GBE1: variants seen among roughly 807,000 people sequenced by gnomAD.
GBE1 encodes the protein 1,4-alpha-glucan branching enzyme 1.
GBE1 carries 70 observed loss-of-function variants against 88.8 expected under a neutral mutation model. The ratio of observed to expected loss-of-function variants is 0.79; its 90% CI spans 0.65 to 0.96. The LOEUF (loss-of-function observed/expected upper bound fraction) is 0.96. Ranked by LOEUF, GBE1 falls within the 40% of genes least tolerant of loss-of-function variation. The probability of loss-of-function intolerance (pLI) is 0.00; values close to 1 mark genes in which losing one functional copy is unlikely to be tolerated. For synonymous variants in GBE1, 284 were observed against 300.1 expected (o/e 0.95, Z 0.56); for missense variants, 872 against 871.0 (o/e 1.00, Z -0.01).
intron 7 of GBE1, among the ~76,000 whole-genome samples, chr3:81,607,409 C>G (rs1041990454): frequency 2.0e-5 from 3 of 151,820 alleles, no homozygotes; most frequent in African/African-American, 7.3e-5. Flanking sequence ...ATTAGCTGGG[C>G]TTGGTGGCGC....
intron 1 of GBE1, among the ~76,000 whole-genome samples, chr3:81,720,254 TTATATC>T (rs1456233127): frequency 3.3e-5 from 5 of 151,952 alleles, no homozygotes; most frequent in East Asian, 1.9e-4. Flanking sequence ...AATTCAAGCC[TTATATC>T]TATATCTATC....
At chr3:81,605,730 C>T (rs1266004629) in intron 7 of GBE1, among the ~76,000 whole-genome samples, 2 of 152,054 alleles carry the variant, frequency 1.3e-5, no homozygotes, top group African/African-American at 2.4e-5. Context: ...TTTTAGATTT[C>T]GTGGCCATGT....
intron 7 of GBE1, among the ~76,000 whole-genome samples, chr3:81,601,893 G>A (rs1576165674): frequency 1.3e-5 from 2 of 152,022 alleles, no homozygotes; most frequent in East Asian, 3.8e-4. Flanking sequence ...CTTTGTACCA[G>A]GCACAATGCC....
chr3:81,597,905 C>T (rs1703981230), intron 7 of GBE1, among the ~76,000 whole-genome samples: 1 of 151,840 alleles, frequency 6.6e-6, no homozygotes, highest in Non-Finnish European at 1.5e-5. Context: ...GAAATTTTGT[C>T]ACACACAGAT....
intron 3 of GBE1, among the ~76,000 whole-genome samples, chr3:81,652,909 G>A (rs1182042802): frequency 6.6e-6 from 1 of 152,138 alleles, no homozygotes; most frequent in Non-Finnish European, 1.5e-5. Flanking sequence ...ATGCTCCAAT[G>A]AGTTCAAATT....
intron 3 of GBE1, among the ~76,000 whole-genome samples, chr3:81,653,324 AAAATTAAGCTAAATT>A (rs1704877962): frequency 6.6e-6 from 1 of 152,110 alleles, no homozygotes; most frequent in Admixed American, 6.6e-5. Context: ...AAAATAAAAT[AAAATTAAGCTAAATT>A]AAACGGCATG....
chr3:81,556,390 AAC>A (rs1311616137), intron 12 of GBE1, among the ~76,000 whole-genome samples: 1 of 152,120 alleles, frequency 6.6e-6, no homozygotes, highest in Non-Finnish European at 1.5e-5. Context: ...ATTATGGCAC[AAC>A]AGTTATTGGA....
intron 3 of GBE1, among the ~76,000 whole-genome samples, chr3:81,664,735 A>G (rs1705087126): frequency 6.6e-6 from 1 of 152,204 alleles, no homozygotes; most frequent in African/African-American, 2.4e-5. Context: ...CACCCACTGT[A>G]ATTACCAGTG....
chr3:81,700,482 T>C (rs1289015190), intron 2 of GBE1, among the ~76,000 whole-genome samples: 1 of 152,172 alleles, frequency 6.6e-6, no homozygotes, highest in Admixed American at 6.6e-5. Context: ...TGTATTGTAA[T>C]TATTAGATTC....
chr3:81,747,620 C>G (rs1161184726), intron 1 of GBE1, among the ~76,000 whole-genome samples: 1 of 152,202 alleles, frequency 6.6e-6, no homozygotes, highest in African/African-American at 2.4e-5. Flanking sequence ...GCCCAGATGG[C>G]CTGAAGTAAC....
intron 7 of GBE1, among the ~76,000 whole-genome samples, chr3:81,604,894 A>G (rs1260400476): frequency 1.3e-5 from 2 of 152,152 alleles, no homozygotes; most frequent in African/African-American, 2.4e-5. Context: ...GTTTAACACC[A>G]TAAGAAGTAA....
At chr3:81,746,673 T>C (rs368978040) in intron 1 of GBE1, among the ~76,000 whole-genome samples, 1 of 152,182 alleles carries the variant, frequency 6.6e-6, no homozygotes, top group East Asian at 1.9e-4. Context: ...TACAGATTCA[T>C]ATGAAGAAAT....
At chr3:81,577,225 A>G (rs909820808) in intron 12 of GBE1, among the ~76,000 whole-genome samples, 26 of 152,168 alleles carry the variant, frequency 1.7e-4, no homozygotes, top group Admixed American at 1.7e-3. Context: ...TAAAGGTGTG[A>G]GGCACCACCC....
chr3:81,620,090 G>A (rs1704304079), intron 7 of GBE1, among the ~76,000 whole-genome samples: 1 of 151,300 alleles, frequency 6.6e-6, no homozygotes, highest in South Asian at 2.1e-4. Context: ...AAATTCCTCA[G>A]GAAACTAAAT....
chr3:81,682,670 G>A (rs897542124), intron 2 of GBE1, among the ~76,000 whole-genome samples: 6 of 152,078 alleles, frequency 3.9e-5, no homozygotes, highest in African/African-American at 7.2e-5. Context: ...ATAATACAGT[G>A]CAGCCCCTTT....
chr3:81,631,580 A>G (rs1453540209), intron 7 of GBE1, among the ~76,000 whole-genome samples: 1 of 118,692 alleles, frequency 8.4e-6, no homozygotes, highest in Non-Finnish European at 1.7e-5. Flanking sequence ...ACTAAAATAC[A>G]AAAAAAAAAA....
At chr3:81,664,916 C>T (rs938700353) in intron 3 of GBE1, among the ~76,000 whole-genome samples, 1 of 152,070 alleles carries the variant, frequency 6.6e-6, no homozygotes, top group Non-Finnish European at 1.5e-5. Context: ...ATGTCAATGG[C>T]ATTGTTATTT....
intron 1 of GBE1, among the ~76,000 whole-genome samples, chr3:81,743,877 C>T (rs62267112): frequency 6.6e-6 from 1 of 152,128 alleles, no homozygotes; most frequent in Admixed American, 6.6e-5. Flanking sequence ...TGACCACCTA[C>T]TTAGCCACTG....
At chr3:81,559,746 T>G (rs907125332) in intron 12 of GBE1, among the ~76,000 whole-genome samples, 1 of 151,918 alleles carries the variant, frequency 6.6e-6, no homozygotes, top group African/African-American at 2.4e-5. Context: ...ATCAAGTAAT[T>G]GTTTGATTAT....
Sources: gnomAD v4.1 joint callset for allele counts (sites outside exome capture counted in the v4.1 genomes callset) on GRCh38, gnomAD v4.1.1 for gene constraint, MANE v1.5 for transcripts, NCBI Gene and HGNC (gene_info 2026-07-23, HGNC 2026-07-21) for gene names.